CNNM2: variants seen among roughly 807,000 people sequenced by gnomAD.
CNNM2 encodes metal transporter CNNM2.
Under a neutral mutation model 66.9 loss-of-function variants are expected in CNNM2, and 12 were observed. The observed-to-expected ratio is 0.18, with a 90% CI of 0.11 to 0.29. The LOEUF (loss-of-function observed/expected upper bound fraction) is 0.29, where lower values mean the gene tolerates loss of function less well. CNNM2 is among the 10% of genes least tolerant of loss of function. The probability of loss-of-function intolerance (pLI) is 1.00; values close to 1 mark genes in which losing one functional copy is unlikely to be tolerated. For synonymous variants in CNNM2, 557 were observed against 501.8 expected (o/e 1.11, Z -1.47); for missense variants, 705 against 1,167.7 (o/e 0.60, Z 5.77).
chr10:103,011,863 T>G lies in CNNM2; in HGVS notation c.1622-37844T>G, dbSNP rs147445174. Among the ~76,000 whole-genome samples the G allele has an allele frequency of 0.016, 2,369 of 152,136 alleles. 53 individuals carry two copies. The highest frequency in any genetic ancestry group is 0.053 in the African/African-American group (2,203 of 41,506). ...ACGCGCCACCATGCCCAGCTAATTT[T>G]TGTATTTTTAGTAGAGACGGGGTTT... On this transcript the variant is annotated intron_variant, in intron 1 of 7. Coordinates refer to ENST00000369878, the MANE Select transcript of CNNM2 (RefSeq NM_017649.5).
chr10:102,995,624 C>T (rs2063983019), intron 1 of CNNM2, among the ~76,000 whole-genome samples: 2 of 145,986 alleles, frequency 1.4e-5, no homozygotes, highest in South Asian at 2.1e-4. Flanking sequence ...TTAGATGCCC[C>T]TAGTTTACAA....
At chr10:103,050,344 C>T (rs1295507002) in intron 2 of CNNM2, among the ~76,000 whole-genome samples, 3 of 151,908 alleles carry the variant, frequency 2.0e-5, no homozygotes, top group East Asian at 3.9e-4. Flanking sequence ...CTAGCCTGGC[C>T]GACATGGTGA....
chr10:103,033,104 T>G (rs1194908784), intron 1 of CNNM2, among the ~76,000 whole-genome samples: 1 of 146,516 alleles, frequency 6.8e-6, no homozygotes, highest in Non-Finnish European at 1.5e-5. Context: ...AGTGACAGAG[T>G]AAGACCCTGT....
chr10:103,064,958 T>G (rs1182192100), intron 4 of CNNM2, among the ~76,000 whole-genome samples: 1 of 152,192 alleles, frequency 6.6e-6, no homozygotes, highest in Non-Finnish European at 1.5e-5. Context: ...TACTGGCCGT[T>G]AGGATGGAAA....
At chr10:103,044,980 C>T (rs1026236011) in intron 1 of CNNM2, among the ~76,000 whole-genome samples, 1 of 152,154 alleles carries the variant, frequency 6.6e-6, no homozygotes, top group Non-Finnish European at 1.5e-5. Context: ...TCTGATTATA[C>T]GGTAGTTACT....
At chr10:103,016,882 T>C (rs2064462308) in intron 1 of CNNM2, among the ~76,000 whole-genome samples, 1 of 152,156 alleles carries the variant, frequency 6.6e-6, no homozygotes, top group African/African-American at 2.4e-5. Flanking sequence ...GTTGTTTGTT[T>C]CTTCCTTTTG....
intron 4 of CNNM2, among the ~76,000 whole-genome samples, chr10:103,066,454 C>T (rs2134356363): frequency 6.6e-6 from 1 of 152,290 alleles, no homozygotes; most frequent in Non-Finnish European, 1.5e-5. Context: ...AGGCCTGTGG[C>T]TGCCACCCTC....
At chr10:103,038,539 T>C (rs1438981608) in intron 1 of CNNM2, among the ~76,000 whole-genome samples, 6 of 152,186 alleles carry the variant, frequency 3.9e-5, no homozygotes, top group African/African-American at 1.2e-4. Flanking sequence ...CGCTAATAGA[T>C]AAATTCAGGG....
In CNNM2 at chr10:103,077,195, A is replaced by G; in HGVS notation, c.*15A>G. 6.2e-7 allele frequency: 1 copy of G among 1,608,890 alleles called. No individual in the cohort carries two copies. Among genetic ancestry groups the G allele is most frequent in the East Asian group, 2.2e-5 (1 of 44,864 alleles). ...GCGCCATCTAGGCCGCGCTGGCTGC[A>G]CCCGCCCAGGCCCGCACCCGCCCAG... On this transcript the variant is annotated 3_prime_UTR_variant, in exon 8 of 8. Coordinates refer to ENST00000369878, the MANE Select transcript of CNNM2 (RefSeq NM_017649.5).
chr10:102,919,843 G>T lies in CNNM2; in HGVS notation c.1363G>T (p.Asp455Tyr), dbSNP rs1455331248. ...TVEDVMTPLR[D>Y]CFMITGEAIL... The stretch of plus-strand genomic sequence containing the variant: ...GGAGGACGTGATGACCCCACTCCGG[G>T]ACTGCTTCATGATCACCGGCGAAGC... The change falls in exon 1 of 8, where the codon GAC becomes TAC. Residue 455 changes from aspartate to tyrosine, a missense_variant. Coordinates refer to ENST00000369878, the MANE Select transcript of CNNM2 (RefSeq NM_017649.5). The T allele has an allele frequency of 1.9e-6, 3 of 1,614,118 alleles. No individual in the cohort carries two copies.
chr10:102,976,424 CCTTTTTTT>C (rs2063630001), intron 1 of CNNM2, among the ~76,000 whole-genome samples: 1 of 77,288 alleles, frequency 1.3e-5, no homozygotes, highest in Non-Finnish European at 2.7e-5. Flanking sequence ...CCAATTCTTG[CCTTTTTTT>C]TTTTTTTTTT....
At chr10:103,039,731 T>G (rs964101939) in intron 1 of CNNM2, among the ~76,000 whole-genome samples, 6 of 151,926 alleles carry the variant, frequency 3.9e-5, no homozygotes, top group Admixed American at 3.3e-4. Flanking sequence ...GGGCAGTGAG[T>G]GAGGGGCTGG....
At chr10:103,069,571 C>T (rs962212872) in intron 5 of CNNM2, among the ~76,000 whole-genome samples, 3 of 152,148 alleles carry the variant, frequency 2.0e-5, no homozygotes, top group Non-Finnish European at 4.4e-5. Context: ...GCTGGCCAGG[C>T]GAGTCAGCCA....
chr10:103,090,170 A>G lies in CNNM2; in HGVS notation c.*12990A>G. 2.4e-6 allele frequency: 1 copy of G among 411,794 alleles called. No homozygotes were observed. Among genetic ancestry groups the G allele is most frequent in the Non-Finnish European group, 4.3e-6 (1 of 232,366 alleles). 25.5% of individuals were successfully genotyped at this position (411,794 alleles called of 1,614,324 possible). A position where few individuals can be genotyped will look rare whatever the true frequency, so the allele number is the denominator to read the frequency against. ...GAGGGGAGTTTACTTTCTATTTTAC[A>G]GCAAAAACAAGATAGTCCTGAAACA... On this transcript the variant is annotated 3_prime_UTR_variant, in exon 8 of 8. Coordinates refer to ENST00000369878, the MANE Select transcript of CNNM2 (RefSeq NM_017649.5).
chr10:103,068,585 G>C, intron 4 of CNNM2, 44 bp from the exon 5 acceptor site: 1 of 1,487,108 alleles, frequency 6.7e-7, no homozygotes, highest in East Asian at 2.3e-5. Context: ...GTGCCAGTAG[G>C]CTTTTGCAAC....
chr10:103,010,238 T>A (rs1454438019), intron 1 of CNNM2, among the ~76,000 whole-genome samples: 1 of 152,112 alleles, frequency 6.6e-6, no homozygotes, highest in Non-Finnish European at 1.5e-5. Context: ...TCTTTTTTTT[T>A]TTTATTTTTT....
rs547125038 is a variant in CNNM2 at position 102,937,358 on chromosome 10, C to T, written c.1621+17257C>T. Among the ~76,000 whole-genome samples the T allele has an allele frequency of 4.7e-5, 7 of 148,436 alleles. No homozygotes were observed. The East Asian group carries it at 7.9e-4, about 17-fold the overall frequency. On this transcript the variant is annotated intron_variant, in intron 1 of 7. Transcript: ENST00000369878. ...TTCAAGCCCAGCCTGGGCAAAATAGCGAGACCCCATCTCAAAAAAAAAAAA... is the reference window on the plus strand; with the variant it reads ...TTCAAGCCCAGCCTGGGCAAAATAGTGAGACCCCATCTCAAAAAAAAAAAA...
intron 4 of CNNM2, chr10:103,068,404 T>C (rs1265010751): frequency 2.2e-6 from 1 of 463,012 alleles, no homozygotes; most frequent in Admixed American, 3.5e-5. Context: ...AAAATAAACA[T>C]CACATTTACA....
chr10:103,017,205 T>A (rs377562169), intron 1 of CNNM2, among the ~76,000 whole-genome samples: 1 of 152,218 alleles, frequency 6.6e-6, no homozygotes, highest in African/African-American at 2.4e-5. Context: ...AATGTTTTAA[T>A]GTTCTGGTCT....
Sources: allele counts gnomAD v4.1 joint callset (sites outside exome capture counted in the v4.1 genomes callset), GRCh38; gene constraint gnomAD v4.1.1; transcripts MANE v1.5; gene names NCBI Gene and HGNC (gene_info 2026-07-23, HGNC 2026-07-21).